Variants in NLGN1 observed in about 807,000 individuals in gnomAD.
NLGN1 encodes the protein neuroligin 1.
NLGN1 carries 12 observed loss-of-function variants against 65.5 expected under a neutral mutation model. The observed-to-expected ratio is 0.18, with a 90% confidence interval of 0.12 to 0.30. The LOEUF (loss-of-function observed/expected upper bound fraction) is 0.30, where lower values mean the gene tolerates loss of function less well. Ranked by LOEUF, NLGN1 falls within the 10% of genes least tolerant of loss-of-function variation. The probability of loss-of-function intolerance (pLI) is 1.00; values close to 1 mark genes in which losing one functional copy is unlikely to be tolerated. For missense variants in NLGN1, 750 were observed against 1,007.1 expected (o/e 0.74, Z 3.46); for synonymous variants, 350 against 359.5 (o/e 0.97, Z 0.30).
intron 2 of NLGN1, among the ~76,000 whole-genome samples, chr3:173,444,365 A>C (rs770898618): frequency 5.3e-5 from 8 of 152,192 alleles, no homozygotes; most frequent in Non-Finnish European, 1.0e-4. Context: ...ATAAAATGGA[A>C]GATAAAAGTT....
chr3:174,279,340 C>T lies in NLGN1; in HGVS notation c.1339C>T (p.His447Tyr). 6.2e-7 allele frequency: 1 copy of T among 1,613,424 alleles called. No homozygotes were observed. ...CATGTATACTGACTGGGCTGACCGT[C>T]ATAACCCTGAAACCAGAAGAAAGAC... is the stretch of plus-strand genomic sequence containing the variant. The change falls in exon 6 of 7, where the codon CAT becomes TAT. Residue 447 changes from histidine to tyrosine, a missense_variant. By Grantham distance (83) the His-to-Tyr change is moderately conservative. Coordinates refer to ENST00000457714, the Ensembl canonical transcript of NLGN1. This position sits in a 1 kb window ranked among gnomAD's most constrained non-coding sequence, Gnocchi z 4.7.
At chr3:173,440,828 C>T (rs1168933449) in intron 2 of NLGN1, among the ~76,000 whole-genome samples, 1 of 152,124 alleles carries the variant, frequency 6.6e-6, no homozygotes. Flanking sequence ...GCTGCATTAG[C>T]CCCTAACAAA....
At chr3:173,750,019 G>A (rs138447612) in intron 3 of NLGN1, among the ~76,000 whole-genome samples, 1 of 152,056 alleles carries the variant, frequency 6.6e-6, no homozygotes, top group Non-Finnish European at 1.5e-5. Flanking sequence ...ATGCCTCTGT[G>A]CTTTTCCTCT....
intron 3 of NLGN1, among the ~76,000 whole-genome samples, chr3:173,689,709 G>T (rs2149817056): frequency 6.6e-6 from 1 of 152,194 alleles, no homozygotes; most frequent in African/African-American, 2.4e-5. Flanking sequence ...CATTCTATCT[G>T]TAACGAATCC....
At chr3:173,542,318 A>T (rs1739028003) in intron 2 of NLGN1, among the ~76,000 whole-genome samples, 1 of 152,082 alleles carries the variant, frequency 6.6e-6, no homozygotes, top group Non-Finnish European at 1.5e-5. Flanking sequence ...GGAGACTTTT[A>T]AAAAGTTTTA....
At chr3:174,270,177 TTTG>T (rs1749119681) in intron 4 of NLGN1, among the ~76,000 whole-genome samples, 3 of 66,430 alleles carry the variant, frequency 4.5e-5, no homozygotes, top group African/African-American at 1.4e-4. Flanking sequence ...TGTAGTCTTA[TTTG>T]TTTATTTTTT....
At chr3:173,834,798 A>T (rs964220101) in intron 4 of NLGN1, among the ~76,000 whole-genome samples, 1 of 152,192 alleles carries the variant, frequency 6.6e-6, no homozygotes, top group Admixed American at 6.5e-5. Flanking sequence ...GTCCCTCACT[A>T]TGCTAAACTG....
At chr3:173,901,546 G>A (rs1438467283) in intron 4 of NLGN1, among the ~76,000 whole-genome samples, 3 of 151,872 alleles carry the variant, frequency 2.0e-5, no homozygotes, top group Non-Finnish European at 2.9e-5. Flanking sequence ...TGCATATTCT[G>A]TATGTAAGAC....
chr3:173,618,212 T>TA (rs1197154286), intron 3 of NLGN1, among the ~76,000 whole-genome samples: 8 of 152,036 alleles, frequency 5.3e-5, no homozygotes, highest in Non-Finnish European at 8.8e-5. Flanking sequence ...TTCTTTTTTT[T>TA]AGAGACAGGG....
intron 3 of NLGN1, among the ~76,000 whole-genome samples, chr3:173,784,821 G>T (rs185200610): frequency 7.9e-5 from 12 of 152,228 alleles, no homozygotes; most frequent in Non-Finnish European, 1.6e-4. Flanking sequence ...GCACACATCT[G>T]GCCAGAGAGA....
At chr3:174,193,671 G>A (rs1392328125) in intron 4 of NLGN1, among the ~76,000 whole-genome samples, 1 of 152,136 alleles carries the variant, frequency 6.6e-6, no homozygotes, top group Non-Finnish European at 1.5e-5. Flanking sequence ...GCAAAGTAGT[G>A]CAGATGGCCA....
At chr3:173,829,418 A>T (rs1722013977) in intron 4 of NLGN1, among the ~76,000 whole-genome samples, 1 of 152,140 alleles carries the variant, frequency 6.6e-6, no homozygotes, top group Admixed American at 6.6e-5. Flanking sequence ...TATTTAATTG[A>T]TAAATAAAAA....
At chr3:173,983,774 C>A (rs993793950) in intron 4 of NLGN1, among the ~76,000 whole-genome samples, 1 of 152,122 alleles carries the variant, frequency 6.6e-6, no homozygotes, top group Admixed American at 6.6e-5. Context: ...ATAAACTCCC[C>A]AAGCTAAAGC....
intron 4 of NLGN1, among the ~76,000 whole-genome samples, chr3:173,955,810 G>A (rs917962298): frequency 4.0e-5 from 6 of 151,888 alleles, no homozygotes; most frequent in African/African-American, 1.2e-4. Context: ...ATGAGAGAAA[G>A]GACCTTGGAA....
At chr3:173,985,075 A>G (rs776669622) in intron 4 of NLGN1, among the ~76,000 whole-genome samples, 1 of 152,150 alleles carries the variant, frequency 6.6e-6, no homozygotes. Context: ...CCTGGTGCCA[A>G]ACTTCAAGGA....
At chr3:174,138,362 G>A (rs1294208761) in intron 4 of NLGN1, among the ~76,000 whole-genome samples, 1 of 149,740 alleles carries the variant, frequency 6.7e-6, no homozygotes, top group Non-Finnish European at 1.5e-5. Flanking sequence ...CATTTTAGTT[G>A]TAATTTAGAA....
chr3:173,436,398 A>T (rs550718843), intron 2 of NLGN1, among the ~76,000 whole-genome samples: 1 of 152,330 alleles, frequency 6.6e-6, no homozygotes, highest in South Asian at 2.1e-4. Context: ...TATGGCACAC[A>T]CATGAGTTCT....
Position 174,123,246 on chromosome 3 carries a change from G to T in NLGN1, c.647-152069G>T, listed in dbSNP as rs116517268. Among the ~76,000 whole-genome samples the T allele has an allele frequency of 4.2e-3, 641 of 152,226 alleles. 2 individuals carry two copies. Among genetic ancestry groups the T allele is most frequent in the Middle Eastern group, 0.01 (3 of 292 alleles). On this transcript the variant is annotated intron_variant, in intron 4 of 6. Transcript: ENST00000457714. ...TTGGAGATGAAAACCAGTGACAAAG[G>T]CAGAAAAATTAATGGCCACCAGAGT...
At chr3:174,034,783 C>A (rs1730771660) in intron 4 of NLGN1, among the ~76,000 whole-genome samples, 2 of 151,944 alleles carry the variant, frequency 1.3e-5, no homozygotes, top group African/African-American at 4.8e-5. Context: ...AAACAAACAG[C>A]AAATGTAACA....
Sources: allele counts gnomAD v4.1 joint callset (sites outside exome capture counted in the v4.1 genomes callset), GRCh38; gene constraint gnomAD v4.1.1; non-coding constraint Gnocchi (gnomAD v3.1); transcripts MANE v1.5; gene names NCBI Gene and HGNC (gene_info 2026-07-23, HGNC 2026-07-21).